The following GLT8D2 variants were observed in gnomAD, a reference collection of about 807,000 sequenced individuals.
GLT8D2 encodes the protein glycosyltransferase 8 domain-containing protein 2.
GLT8D2 carries 45 observed loss-of-function variants against 44.5 expected under a neutral mutation model. That is an observed-to-expected ratio of 1.01 (90% CI 0.80 to 1.30). The LOEUF is 1.30. Among genes scored for constraint, GLT8D2 ranks in the 50% most tolerant of loss-of-function variants. GLT8D2 has a pLI of 0.00. For synonymous variants in GLT8D2, 156 were observed against 157.2 expected, an observed-to-expected ratio of 0.99 and a Z score of 0.06; for missense variants, 400 against 430.4, an observed-to-expected ratio of 0.93 and a Z score of 0.62.
chr12:104,045,957 A>G (rs892633192), intron 1 of GLT8D2, among the ~76,000 whole-genome samples: 14 of 119,384 alleles, frequency 1.2e-4, no homozygotes, highest in African/African-American at 3.6e-4. Flanking sequence ...AAGAAAGAAA[A>G]TAAGAAAGAA....
chr12:104,001,678 A>G lies in GLT8D2; in HGVS notation c.284+1457T>C, dbSNP rs117000621. On this transcript the variant is annotated intron_variant, in intron 5 of 10. Transcript: ENST00000360814. ...CACATTTTCCTATTAATAACACAGA[A>G]AAACTTTATTTATTTATTTTTTATT... Among the ~76,000 whole-genome samples the G allele has an allele frequency of 7.8e-4, 119 of 152,084 alleles. 2 individuals are homozygous for G. The East Asian group carries it at 0.018, about 23-fold the overall frequency.
chr12:104,005,509 C>T (rs1231167463), intron 4 of GLT8D2, among the ~76,000 whole-genome samples: 3 of 152,240 alleles, frequency 2.0e-5, no homozygotes, highest in South Asian at 2.1e-4. Flanking sequence ...TAGCCAGAAT[C>T]GACAAAGAAC....
At chr12:103,997,565 G>T in intron 6 of GLT8D2, 30 bp from the exon 7 acceptor site, 2 of 1,522,862 alleles carry the variant, frequency 1.3e-6, no homozygotes, top group African/African-American at 1.4e-5. Context: ...AATGATGGTG[G>T]GGGAGAGGCA....
At chr12:104,020,688 A>T (rs1021411152) in intron 2 of GLT8D2, among the ~76,000 whole-genome samples, 2 of 152,122 alleles carry the variant, frequency 1.3e-5, no homozygotes, top group African/African-American at 4.8e-5. Context: ...ATCAGGAAAA[A>T]CTTCATTGAG....
chr12:104,002,968 A>C (rs1874426726), intron 5 of GLT8D2, among the ~76,000 whole-genome samples, 167 bp downstream of exon 5: 2 of 151,308 alleles, frequency 1.3e-5, no homozygotes, highest in Admixed American at 6.6e-5. Context: ...GAAAGAGAGA[A>C]AGACAGAGAG....
chr12:104,043,378 C>T (rs2136484014), intron 1 of GLT8D2, among the ~76,000 whole-genome samples: 1 of 152,298 alleles, frequency 6.6e-6, no homozygotes, highest in African/African-American at 2.4e-5. Context: ...TTATAGTAAT[C>T]CACGTGTCCA....
At chr12:103,991,601 CCTT>C (rs1439713083) in intron 10 of GLT8D2, among the ~76,000 whole-genome samples, 3 of 152,212 alleles carry the variant, frequency 2.0e-5, no homozygotes, top group South Asian at 2.1e-4. Context: ...TAAAAATAGA[CCTT>C]CTACTTTGAT....
chr12:104,042,027 T>C (rs1218300957), intron 1 of GLT8D2, among the ~76,000 whole-genome samples: 3 of 152,202 alleles, frequency 2.0e-5, no homozygotes, highest in Non-Finnish European at 4.4e-5. Flanking sequence ...TGGCAAGCAT[T>C]TGGCACTTGG....
chr12:104,053,198 C>A (rs1250344127), upstream of GLT8D2, among the ~76,000 whole-genome samples: 8 of 152,328 alleles, frequency 5.3e-5, no homozygotes, highest in Middle Eastern at 3.4e-3. Context: ...CAGATCATGT[C>A]ATCTCCTTTG....
chr12:104,019,670 C>A lies in GLT8D2; in HGVS notation c.-22G>T. ...CCATGTGTATTCACGCGGATAAGAACTGTAACCTGTGGATTAAAGGAAAAA... is the reference window on the plus strand; with the variant it reads ...CCATGTGTATTCACGCGGATAAGAAATGTAACCTGTGGATTAAAGGAAAAA... On this transcript the variant is annotated 5_prime_UTR_variant, in exon 3 of 11. Transcript: ENST00000360814. 1.2e-6 allele frequency: 2 copies of A among 1,603,838 alleles called. No homozygotes were observed. The highest frequency in any genetic ancestry group is 1.7e-6 in the Non-Finnish European group (2 of 1,173,876).
chr12:104,030,779 A>G (rs1273149642), intron 1 of GLT8D2: 10 of 1,611,782 alleles, frequency 6.2e-6, no homozygotes, highest in Admixed American at 1.7e-5. Context: ...GCCCGCCGCC[A>G]TGGCCGCCTA....
In GLT8D2 at chr12:104,021,977, G is replaced by GAA. The variant is rs1566202628; in HGVS notation, c.-163-487_-163-486insTT. 5.7e-4 allele frequency among the ~76,000 whole-genome samples: 12 copies of GAA among 21,120 alleles called. 5 individuals are homozygous for GAA. The highest frequency in any genetic ancestry group is 7.5e-4 in the African/African-American group (4 of 5,362). The allele number at this position is 21,120 out of a possible 152,430, so 13.9% of individuals were successfully genotyped here. A position where few individuals can be genotyped will look rare whatever the true frequency, so the allele number is the denominator to read the frequency against. On this transcript the variant is annotated intron_variant, in intron 1 of 10. Coordinates refer to ENST00000360814, the MANE Select transcript of GLT8D2 (RefSeq NM_001384711.1). ...AAGAGGAAGAAGAGGAAGAGGAAGA[G>GAA]GAAGAGGAAGAAGAAGAAGAAGAAG...
upstream of GLT8D2, among the ~76,000 whole-genome samples, chr12:104,053,908 G>C (rs1298862621): frequency 2.0e-5 from 3 of 151,732 alleles, no homozygotes; most frequent in Non-Finnish European, 4.4e-5. Flanking sequence ...ATATTTAATT[G>C]AAATTGAACT....
chr12:104,024,713 C>T (rs1878332558), intron 1 of GLT8D2, among the ~76,000 whole-genome samples: 1 of 152,056 alleles, frequency 6.6e-6, no homozygotes, highest in South Asian at 2.1e-4. Context: ...ATCTTTTGTG[C>T]ATTTTTATAG....
intron 1 of GLT8D2, among the ~76,000 whole-genome samples, chr12:104,060,184 C>G (rs898564772): frequency 6.6e-6 from 1 of 152,150 alleles, no homozygotes; most frequent in Non-Finnish European, 1.5e-5. Flanking sequence ...ATCACCCTCA[C>G]CCAGTTCCCT....
At chr12:104,056,215 T>G (rs1362099348) in intron 1 of GLT8D2, among the ~76,000 whole-genome samples, 1 of 152,216 alleles carries the variant, frequency 6.6e-6, no homozygotes, top group Non-Finnish European at 1.5e-5. Flanking sequence ...AGCCCTGCAA[T>G]CTGTAAACAG....
chr12:104,056,112 A>T (rs1882165549), intron 1 of GLT8D2, among the ~76,000 whole-genome samples: 1 of 152,178 alleles, frequency 6.6e-6, no homozygotes, highest in Non-Finnish European at 1.5e-5. Context: ...CTGGCAATTA[A>T]GTTAGGTTCT....
intron 1 of GLT8D2, among the ~76,000 whole-genome samples, chr12:104,021,932 AGAAGAAGAAGAAGAAGAAGAAGAG>A (rs1176264660): frequency 0.03 from 692 of 23,446 alleles, 44 homozygotes; most frequent in East Asian, 0.052. Context: ...AAGAAGAAGA[AGAAGAAGAAGAAGAAGAAGAAGAG>A]GAAGAAGAGG....
chr12:104,028,671 C>A (rs1390486110), intron 1 of GLT8D2, among the ~76,000 whole-genome samples: 2 of 151,960 alleles, frequency 1.3e-5, no homozygotes, highest in Non-Finnish European at 2.9e-5. Flanking sequence ...GTAATTCAGG[C>A]AAAAAACCTC....
Sources: allele counts gnomAD v4.1 joint callset (sites outside exome capture counted in the v4.1 genomes callset), GRCh38; gene constraint gnomAD v4.1.1; transcripts MANE v1.5; gene names NCBI Gene and HGNC (gene_info 2026-07-23, HGNC 2026-07-21).